Variants in CSNK1G1 observed in about 807,000 individuals in gnomAD.
CSNK1G1 encodes the protein casein kinase 1 gamma 1.
In CSNK1G1, 22 loss-of-function variants were observed where a neutral mutation model predicts 59.6. The observed-to-expected ratio is 0.37, with a 90% CI of 0.26 to 0.53. The LOEUF is 0.53. Among genes scored for constraint, CSNK1G1 ranks in the 20% least tolerant of loss-of-function variants. The pLI, the probability that CSNK1G1 is intolerant of heterozygous loss-of-function variation, is 0.89. For missense variants in CSNK1G1, 384 were observed against 519.5 expected (o/e 0.74, Z 2.54); for synonymous variants, 179 against 177.1 (o/e 1.01, Z -0.08).
intron 2 of CSNK1G1, among the ~76,000 whole-genome samples, chr15:64,269,204 T>C (rs1204715858): frequency 6.6e-6 from 1 of 152,226 alleles, no homozygotes; most frequent in Non-Finnish European, 1.5e-5. Flanking sequence ...TGATCAGAAG[T>C]ATGCCATAGG....
At chr15:64,268,678 G>A (rs1222330745) in intron 2 of CSNK1G1, among the ~76,000 whole-genome samples, 2 of 152,012 alleles carry the variant, frequency 1.3e-5, no homozygotes, top group African/African-American at 2.4e-5. Context: ...TTGTTTTTGA[G>A]CTAACTGGGG....
intron 6 of CSNK1G1, among the ~76,000 whole-genome samples, chr15:64,213,155 T>C (rs1445055773): frequency 1.3e-5 from 2 of 152,194 alleles, no homozygotes; most frequent in African/African-American, 2.4e-5. Context: ...ACATGTTTTT[T>C]TCAATCACCT....
chr15:64,246,645 G>C (rs1337815672), intron 4 of CSNK1G1, among the ~76,000 whole-genome samples: 1 of 145,638 alleles, frequency 6.9e-6, no homozygotes, highest in African/African-American at 2.5e-5. Context: ...AAAAAGGGGG[G>C]GGGGGAGGAA....
chr15:64,186,099 G>A (rs1207931383), intron 10 of CSNK1G1, among the ~76,000 whole-genome samples: 2 of 151,852 alleles, frequency 1.3e-5, no homozygotes, highest in Admixed American at 6.6e-5. Flanking sequence ...CTGGATCCCA[G>A]ATATTCCTTT....
chr15:64,275,761 T>C (rs1000703438), intron 2 of CSNK1G1, among the ~76,000 whole-genome samples: 6 of 152,148 alleles, frequency 3.9e-5, no homozygotes, highest in South Asian at 2.1e-4. Flanking sequence ...AGAAAAAATA[T>C]ATAAAATAAA....
At chr15:64,285,435 T>C (rs1282315996) in intron 2 of CSNK1G1, among the ~76,000 whole-genome samples, 1 of 152,162 alleles carries the variant, frequency 6.6e-6, no homozygotes, top group African/African-American at 2.4e-5. Flanking sequence ...AACCTGTCTA[T>C]AGTCTAGATG....
chr15:64,251,332 T>C (rs1442878585), intron 4 of CSNK1G1, 180 bp downstream of exon 4: 3 of 524,384 alleles, frequency 5.7e-6, no homozygotes, highest in Non-Finnish European at 1.0e-5. Flanking sequence ...CCCTGTCAAC[T>C]CAACTCCAGG....
chr15:64,231,722 T>C (rs1050343876), intron 4 of CSNK1G1, among the ~76,000 whole-genome samples: 2 of 152,126 alleles, frequency 1.3e-5, no homozygotes, highest in Non-Finnish European at 2.9e-5. Flanking sequence ...TATAAAACCT[T>C]TTCTCTTTCT....
chr15:64,237,546 A>T (rs1427126421), intron 4 of CSNK1G1, among the ~76,000 whole-genome samples: 1 of 152,210 alleles, frequency 6.6e-6, no homozygotes, highest in Non-Finnish European at 1.5e-5. Context: ...GTGTTAAAAG[A>T]GTCCTCTTTA....
In CSNK1G1 at chr15:64,300,421, G is replaced by C. The variant is rs146726850; in HGVS notation, c.79C>G (p.Arg27Gly). The change falls in exon 2 of 12, where the codon CGA becomes GGA. Residue 27 changes from arginine to glycine, a missense_variant. By Grantham distance (125) the Arg-to-Gly change is moderately radical. Around this residue, in one of 3 missense-constraint regions of CSNK1G1, gnomAD observed 56 missense variants for 60.8 expected, o/e 0.92. Transcript: ENST00000303052. ...PMAQRSAHCSRPSGSSSSSGV... is the reference protein window; with the variant it reads ...PMAQRSAHCSGPSGSSSSSGV... ...GAGGACGATGAGGAGCCAGATGGTC[G>C]AGAGCAGTGTGCACTCCTTTGTGCC... is the stretch of plus-strand genomic sequence containing the variant. 1.7e-5 allele frequency: 28 copies of C among 1,614,046 alleles called. No homozygotes were observed. The highest frequency in any genetic ancestry group is 2.4e-5 in the Non-Finnish European group (28 of 1,180,018).
In CSNK1G1 at chr15:64,275,865, A is replaced by G. The variant is rs910815298; in HGVS notation, c.182-16624T>C. Among the ~76,000 whole-genome samples the G allele has an allele frequency of 9.2e-5, 14 of 152,276 alleles. No homozygotes were observed. In the South Asian group the frequency reaches 2.9e-3, roughly 32 times the overall value. ...TTAACTATGTGTATATTAAATCACA[A>G]TTTTTTTAGTGTGAGTTATGATCAA... On this transcript the variant is annotated intron_variant, in intron 2 of 11. Coordinates refer to ENST00000303052, the MANE Select transcript of CSNK1G1 (RefSeq NM_022048.5).
chr15:64,193,222 T>C (rs1195466698), intron 10 of CSNK1G1, among the ~76,000 whole-genome samples: 1 of 152,098 alleles, frequency 6.6e-6, no homozygotes, highest in African/African-American at 2.4e-5. Context: ...CCAGCTGTGG[T>C]GGCTCACGCC....
At chr15:64,317,953 AG>A (rs1896361520) in intron 1 of CSNK1G1, among the ~76,000 whole-genome samples, 1 of 152,196 alleles carries the variant, frequency 6.6e-6, no homozygotes, top group Non-Finnish European at 1.5e-5. Context: ...AAAGATGGAA[AG>A]GAAGCTAGGG....
In CSNK1G1 at chr15:64,170,275, T is replaced by A. The variant is rs1261281528; in HGVS notation, c.*1656A>T. ...AGATCCTTCACAGTAGTACCTCATATGAAAACACCATGGGGGGAGGCCTAG... is the reference window on the plus strand; with the variant it reads ...AGATCCTTCACAGTAGTACCTCATAAGAAAACACCATGGGGGGAGGCCTAG... On this transcript the variant is annotated 3_prime_UTR_variant, in exon 12 of 12. Transcript: ENST00000303052. 6.6e-6 allele frequency: 1 copy of A among 152,214 alleles called. No individual in the cohort carries two copies. Among genetic ancestry groups the A allele is most frequent in the Admixed American group, 6.5e-5 (1 of 15,282 alleles). The allele number at this position is 152,214 out of a possible 1,614,324, so 9.4% of individuals were successfully genotyped here. A position where few individuals can be genotyped will look rare whatever the true frequency, so the allele number is the denominator to read the frequency against.
rs960647966 is a variant in CSNK1G1 at position 64,168,868 on chromosome 15, A to C, written c.*3063T>G. ...AAGGAAGATCCCACCAGAATCTCCC[A>C]GGTCTGGGACCACTTTGAAGTGCCA... On this transcript the variant is annotated 3_prime_UTR_variant, in exon 12 of 12. Coordinates refer to ENST00000303052, the MANE Select transcript of CSNK1G1 (RefSeq NM_022048.5). 6 of 152,490 alleles carry C rather than the reference A, an allele frequency of 3.9e-5. No homozygotes were observed. The South Asian group carries it at 1.2e-3, about 32-fold the overall frequency. 9.4% of individuals were successfully genotyped at this position (152,490 alleles called of 1,614,324 possible). A position where few individuals can be genotyped will look rare whatever the true frequency, so the allele number is the denominator to read the frequency against.
chr15:64,296,353 T>G (rs1326986519), intron 2 of CSNK1G1, among the ~76,000 whole-genome samples: 1 of 152,048 alleles, frequency 6.6e-6, no homozygotes, highest in African/African-American at 2.4e-5. Flanking sequence ...AATCCTAAGC[T>G]CAAGTCATCT....
chr15:64,333,144 C>G (rs914437110), intron 1 of CSNK1G1, among the ~76,000 whole-genome samples: 21 of 150,196 alleles, frequency 1.4e-4, no homozygotes, highest in Non-Finnish European at 2.1e-4. Flanking sequence ...GTAATGCCAG[C>G]TACTCGGGAG....
intron 2 of CSNK1G1, among the ~76,000 whole-genome samples, chr15:64,279,712 G>A (rs886376248): frequency 6.6e-5 from 10 of 152,178 alleles, no homozygotes; most frequent in African/African-American, 2.2e-4. Flanking sequence ...AGTGGCTCAC[G>A]CCTGTAATCC....
chr15:64,204,809 G>T, intron 8 of CSNK1G1, 56 bp downstream of exon 8: 1 of 1,269,496 alleles, frequency 7.9e-7, no homozygotes, highest in Non-Finnish European at 1.2e-6. Flanking sequence ...ACCCAGTCAT[G>T]GACTCTACCT....
Sources: gnomAD v4.1 joint callset for allele counts (sites outside exome capture counted in the v4.1 genomes callset) on GRCh38, gnomAD v4.1.1 for gene constraint, gnomAD v4.1.1 regional missense constraint, MANE v1.5 for transcripts, NCBI Gene and HGNC (gene_info 2026-07-23, HGNC 2026-07-21) for gene names.